IRF4: variants seen among roughly 807,000 people sequenced by gnomAD.
IRF4 encodes the protein lymphocyte-specific interferon regulatory factor.
Under a neutral mutation model 55.5 loss-of-function variants are expected in IRF4, and 13 were observed. The observed-to-expected ratio is 0.23, with a 90% CI of 0.15 to 0.37. The LOEUF (loss-of-function observed/expected upper bound fraction) is 0.37. Among genes scored for constraint, IRF4 ranks in the 10% least tolerant of loss-of-function variants. The pLI, the probability that IRF4 is intolerant of heterozygous loss-of-function variation, is 1.00. For missense variants in IRF4, 397 were observed against 593.8 expected (o/e 0.67, Z 3.44); for synonymous variants, 249 against 240.7 (o/e 1.03, Z -0.32).
intron 7 of IRF4, among the ~76,000 whole-genome samples, chr6:402,839 C>A (rs1761440049): frequency 6.6e-6 from 1 of 152,228 alleles, no homozygotes; most frequent in Non-Finnish European, 1.5e-5. Context: ...CAAGACCAGC[C>A]TGGCCAACAT....
In IRF4 at chr6:396,113, T is replaced by C. The variant is rs189215239; in HGVS notation, c.492+178T>C. 2.8e-4 allele frequency: 161 copies of C among 582,170 alleles called. 1 individual carries two copies. The highest frequency in any genetic ancestry group is 1.6e-3 in the Admixed American group (51 of 30,992). 36.1% of individuals were successfully genotyped at this position (582,170 alleles called of 1,614,324 possible). A position where few individuals can be genotyped will look rare whatever the true frequency, so the allele number is the denominator to read the frequency against. On this transcript the variant is annotated intron_variant, in intron 4 of 8. Transcript: ENST00000380956. ...TCTCACTTTCCACACGGTGCTGCCA[T>C]TGGTGTGGATTTTAAGTTGGGGAGG...
intron 4 of IRF4, among the ~76,000 whole-genome samples, chr6:396,903 C>T (rs1328493476): frequency 2.6e-5 from 3 of 114,954 alleles, no homozygotes; most frequent in African/African-American, 3.9e-5. Flanking sequence ...CCTTTACCCC[C>T]GTCTCAATGC....
At chr6:400,860 G>A (rs1219210973) in intron 6 of IRF4, among the ~76,000 whole-genome samples, 7 of 151,930 alleles carry the variant, frequency 4.6e-5, no homozygotes, top group Admixed American at 6.6e-5. Context: ...TTTTGGGGAC[G>A]TTTCAGGTAT....
At chr6:405,770 T>G (rs927618887) in intron 8 of IRF4, among the ~76,000 whole-genome samples, 1 of 152,166 alleles carries the variant, frequency 6.6e-6, no homozygotes, top group African/African-American at 2.4e-5. Flanking sequence ...AGGGTAGGGT[T>G]AGGATTAGGG....
intron 2 of IRF4, 141 bp from the exon 3 acceptor site, chr6:394,680 A>C: frequency 1.3e-6 from 1 of 773,600 alleles, no homozygotes; most frequent in South Asian, 1.8e-5. Context: ...CCTAGAACTC[A>C]GGAGTTCGAT....
intron 7 of IRF4, among the ~76,000 whole-genome samples, chr6:403,980 C>A (rs1362966648): frequency 4.6e-5 from 7 of 151,776 alleles, no homozygotes; most frequent in Admixed American, 2.0e-4. Flanking sequence ...AGCAGGAAGT[C>A]AAATAGTCCT....
intron 2 of IRF4, 111 bp from the exon 3 acceptor site, chr6:394,710 G>A (rs1761208638): frequency 1.0e-6 from 1 of 989,656 alleles, no homozygotes; most frequent in Non-Finnish European, 1.5e-6. Flanking sequence ...AGCTATCATC[G>A]TGCCACTGTA....
In IRF4 at chr6:398,904, C is replaced by G; in HGVS notation, c.714C>G (p.Ser238Arg). The change falls in exon 6 of 9, where the codon AGC becomes AGG. Residue 238 changes from serine to arginine, a missense_variant. Around this residue, in one of 3 missense-constraint regions of IRF4, gnomAD observed 341 missense variants for 548.1 expected, o/e 0.62. Coordinates refer to ENST00000380956, the MANE Select transcript of IRF4 (RefSeq NM_002460.4). ...CTCCCGGAGTCCCCACAGAGCCAAG[C>G]ATAAGGTCTGCCGAAGCCTTGGCGT... ...SQAPGVPTEP[S>R]IRSAEALAFS... The G allele has an allele frequency of 6.2e-7, 1 of 1,612,966 alleles. No homozygotes were observed. The highest frequency in any genetic ancestry group is 8.5e-7 in the Non-Finnish European group (1 of 1,179,642).
chr6:396,013 GC>G, intron 4 of IRF4, 78 bp downstream of exon 4: 1 of 1,152,414 alleles, frequency 8.7e-7, no homozygotes. Context: ...AACCACAGCA[GC>G]CCAGACAGCA....
intron 5 of IRF4, among the ~76,000 whole-genome samples, chr6:398,031 C>T (rs958201075): frequency 2.0e-5 from 3 of 152,212 alleles, no homozygotes; most frequent in African/African-American, 4.8e-5. Context: ...AGGTGTACCA[C>T]TCTTTAATGT....
chr6:393,685 C>T lies in IRF4; in HGVS notation c.216+317C>T, dbSNP rs1175997211. Among the ~76,000 whole-genome samples, 1 of 151,904 alleles carries T rather than the reference C, an allele frequency of 6.6e-6. No homozygotes were observed. The highest frequency in any genetic ancestry group is 1.5e-5 in the Non-Finnish European group (1 of 67,980). ...CGCGTTCGTCCGTGCGTTCTCGTTT[C>T]CACGCAAGCCTCCCGCCCTTCCTCC... On this transcript the variant is annotated intron_variant, in intron 2 of 8. Coordinates refer to ENST00000380956, the MANE Select transcript of IRF4 (RefSeq NM_002460.4). The surrounding 1 kb of genome is among the most constrained non-coding windows in gnomAD (Gnocchi z 5.4).
intron 6 of IRF4, among the ~76,000 whole-genome samples, chr6:400,146 T>G (rs144142298): frequency 6.6e-6 from 1 of 152,196 alleles, no homozygotes; most frequent in African/African-American, 2.4e-5. Flanking sequence ...GAGACAGTGA[T>G]GTGGGTTAAG....
intron 7 of IRF4, among the ~76,000 whole-genome samples, chr6:402,745 C>T (rs1761437785): frequency 6.6e-6 from 1 of 152,240 alleles, no homozygotes; most frequent in Non-Finnish European, 1.5e-5. Flanking sequence ...GATAACTAAG[C>T]TTCAGGCCAG....
chr6:408,012 G>A lies in IRF4; in HGVS notation c.*414G>A, dbSNP rs1050975. 0.82 allele frequency: 239,943 copies of A among 292,132 alleles called. 103,203 individuals are homozygous for A. The highest frequency in any genetic ancestry group is 0.94 in the South Asian group (13,142 of 13,972). 18.1% of individuals were successfully genotyped at this position (292,132 alleles called of 1,614,324 possible). The stretch of plus-strand genomic sequence containing the variant: ...GGTGGCTTTGCATTTCTTGTGTTCT[G>A]TAGACTGCCATCATTGATGATCACT... On this transcript the variant is annotated 3_prime_UTR_variant, in exon 9 of 9. Coordinates refer to ENST00000380956, the MANE Select transcript of IRF4 (RefSeq NM_002460.4).
Position 407,744 on chromosome 6 carries a change from C to G in IRF4, c.*146C>G, listed in dbSNP as rs923190947. The G allele has an allele frequency of 1.4e-5, 10 of 695,118 alleles. No homozygotes were observed. Among genetic ancestry groups the G allele is most frequent in the African/African-American group, 1.1e-4 (6 of 54,456 alleles). 43.1% of individuals were successfully genotyped at this position (695,118 alleles called of 1,614,324 possible). ...ACCTCCGCCTCCTGGGTTCAAGAGA[C>G]TCTCCTGCCTCAGCCTCCCTGGTAG... On this transcript the variant is annotated 3_prime_UTR_variant, in exon 9 of 9. Coordinates refer to ENST00000380956, the MANE Select transcript of IRF4 (RefSeq NM_002460.4).
rs1761211035 is a variant in IRF4, at chr6:394,816, A to G, written c.217-5A>G. The G allele has an allele frequency of 6.2e-7, 1 of 1,606,812 alleles. No individual in the cohort carries two copies. The highest frequency in any genetic ancestry group is 8.5e-7 in the Non-Finnish European group (1 of 1,177,934). On this transcript the variant is annotated splice_region_variant and splice_polypyrimidine_tract_variant and intron_variant, in intron 2 of 8. Transcript: ENST00000380956. ...CTTTTCGTTCTCTTCATTCTTTCCCACCAGGCTTGGGCACTGTTTAAAGGA... is the reference window on the plus strand; with the variant it reads ...CTTTTCGTTCTCTTCATTCTTTCCCGCCAGGCTTGGGCACTGTTTAAAGGA...
chr6:397,274 G>C, intron 5 of IRF4, 22 bp downstream of exon 5: 1 of 1,613,530 alleles, frequency 6.2e-7, no homozygotes, highest in African/African-American at 1.3e-5. Context: ...ACCAGTGCAG[G>C]AAATAGAAGA....
At chr6:404,252 G>T (rs868092534) in intron 7 of IRF4, among the ~76,000 whole-genome samples, 3 of 152,238 alleles carry the variant, frequency 2.0e-5, no homozygotes, top group Non-Finnish European at 4.4e-5. Context: ...AAAGTCAGGG[G>T]ATGGGCACTT....
intron 2 of IRF4, among the ~76,000 whole-genome samples, chr6:394,053 G>A (rs1297540421): frequency 6.6e-6 from 1 of 152,190 alleles, no homozygotes; most frequent in Admixed American, 6.5e-5. Context: ...CTCCCCTAAG[G>A]CAGTTTACCC....
Sources: allele counts gnomAD v4.1 joint callset (sites outside exome capture counted in the v4.1 genomes callset), GRCh38; gene constraint gnomAD v4.1.1; regional missense constraint gnomAD v4.1.1; non-coding constraint Gnocchi (gnomAD v3.1); transcripts MANE v1.5; gene names NCBI Gene and HGNC (gene_info 2026-07-23, HGNC 2026-07-21).